CNTN4: variants seen among roughly 807,000 people sequenced by gnomAD.
The protein encoded by CNTN4 is contactin-4.
A neutral mutation model predicts 122.5 loss-of-function variants in CNTN4; 77 were observed. The ratio of observed to expected loss-of-function variants is 0.63; its 90% CI spans 0.52 to 0.76. The LOEUF (loss-of-function observed/expected upper bound fraction) is 0.76, where lower values mean the gene tolerates loss of function less well. CNTN4 is among the 30% of genes least tolerant of loss of function. The pLI is 0.00. For missense variants in CNTN4, 1,256 were observed against 1,259.1 expected (o/e 1.00, Z 0.04); for synonymous variants, 512 against 447.0 (o/e 1.15, Z -1.83).
chr3:2,549,132 C>A (rs984403429), intron 3 of CNTN4, among the ~76,000 whole-genome samples: 2 of 148,146 alleles, frequency 1.4e-5, no homozygotes, highest in South Asian at 4.3e-4. Context: ...AATATACAAT[C>A]ATGTCATCTG....
chr3:3,052,374 G>C (rs1023632647), intron 23 of CNTN4, among the ~76,000 whole-genome samples: 9 of 152,114 alleles, frequency 5.9e-5, no homozygotes, highest in African/African-American at 2.2e-4. Context: ...GACATTGCCA[G>C]ATACCTCCCT....
chr3:3,054,027 C>G, intron 24 of CNTN4, 52 bp downstream of exon 24: 2 of 1,580,684 alleles, frequency 1.3e-6, no homozygotes, highest in Non-Finnish European at 1.7e-6. Flanking sequence ...ATCTTATCAG[C>G]CTTCCAGATG....
intron 3 of CNTN4, among the ~76,000 whole-genome samples, chr3:2,410,232 C>G (rs2151027621): frequency 6.6e-6 from 1 of 152,298 alleles, no homozygotes; most frequent in South Asian, 2.1e-4. Context: ...GGGACAGACA[C>G]TGAAAATCTG....
intron 3 of CNTN4, among the ~76,000 whole-genome samples, chr3:2,352,835 T>G (rs1360127279): frequency 6.6e-6 from 1 of 152,108 alleles, no homozygotes; most frequent in African/African-American, 2.4e-5. Flanking sequence ...GGCTGCTGAG[T>G]TTTTGATGGG....
intron 6 of CNTN4, among the ~76,000 whole-genome samples, chr3:2,811,779 C>G (rs2092617813): frequency 6.7e-6 from 1 of 150,148 alleles, no homozygotes; most frequent in Non-Finnish European, 1.5e-5. Flanking sequence ...ATTCTCCTGC[C>G]TCTCAGCCTC....
intron 6 of CNTN4, among the ~76,000 whole-genome samples, chr3:2,770,615 AC>A (rs2091056219): frequency 6.6e-6 from 1 of 152,226 alleles, no homozygotes; most frequent in African/African-American, 2.4e-5. Flanking sequence ...CACTGCACTG[AC>A]CCGTAAGGAT....
chr3:2,982,881 C>T (rs1284021234), intron 13 of CNTN4, among the ~76,000 whole-genome samples: 3 of 151,960 alleles, frequency 2.0e-5, no homozygotes, highest in African/African-American at 7.3e-5. Context: ...TTATTATGAG[C>T]TTGAGAACAA....
chr3:2,109,577 A>G (rs2032783134), intron 2 of CNTN4, among the ~76,000 whole-genome samples: 1 of 152,148 alleles, frequency 6.6e-6, no homozygotes, highest in Non-Finnish European at 1.5e-5. Context: ...CAGGTGTTGC[A>G]TGTGTGCTTA....
At chr3:2,540,042 A>G (rs2077970342) in intron 3 of CNTN4, among the ~76,000 whole-genome samples, 1 of 151,426 alleles carries the variant, frequency 6.6e-6, no homozygotes, top group South Asian at 2.1e-4. Context: ...AGGACAAGAT[A>G]ATATGCCATA....
intron 7 of CNTN4, among the ~76,000 whole-genome samples, chr3:2,839,123 G>C (rs758654161): frequency 3.9e-5 from 6 of 152,092 alleles, no homozygotes; most frequent in Non-Finnish European, 1.5e-5. Context: ...AAGAGATATA[G>C]TCCTAATTGT....
At chr3:2,126,463 C>T (rs1286404276) in intron 2 of CNTN4, among the ~76,000 whole-genome samples, 4 of 152,078 alleles carry the variant, frequency 2.6e-5, no homozygotes, top group Admixed American at 1.3e-4. Context: ...ATCTGGGTTT[C>T]TAGTAGATTT....
chr3:2,507,866 T>C (rs1426142509), intron 3 of CNTN4, among the ~76,000 whole-genome samples: 1 of 151,862 alleles, frequency 6.6e-6, no homozygotes, highest in Non-Finnish European at 1.5e-5. Flanking sequence ...TTGTTCTCTC[T>C]CTCTTTTCTT....
chr3:2,433,432 A>C (rs903993696), intron 3 of CNTN4, among the ~76,000 whole-genome samples: 1 of 152,144 alleles, frequency 6.6e-6, no homozygotes, highest in Non-Finnish European at 1.5e-5. Context: ...TTGTATGTCT[A>C]CTTTAGAGAA....
At chr3:2,678,139 T>G (rs1158104872) in intron 4 of CNTN4, among the ~76,000 whole-genome samples, 2 of 152,194 alleles carry the variant, frequency 1.3e-5, no homozygotes, top group African/African-American at 4.8e-5. Context: ...ATGATGATCT[T>G]ACTATACTTA....
In CNTN4 at chr3:2,137,126, G is replaced by C. The variant is rs139525738; in HGVS notation, c.-145+36487G>C. ...AGATATAACCTAAATAAATTCTCTA[G>C]CCAGGGCACCCATCTGTCAAAAAAT... On this transcript the variant is annotated intron_variant, in intron 2 of 24. Transcript: ENST00000418658. 1.6e-4 allele frequency among the ~76,000 whole-genome samples: 24 copies of C among 152,096 alleles called. No individual in the cohort carries two copies. The East Asian group carries it at 4.7e-3, about 30-fold the overall frequency.
chr3:2,565,779 T>A (rs571745964), intron 3 of CNTN4, among the ~76,000 whole-genome samples: 2 of 152,308 alleles, frequency 1.3e-5, no homozygotes, highest in South Asian at 4.1e-4. Context: ...ATCTCTTGCT[T>A]TCATTTCTGT....
intron 2 of CNTN4, among the ~76,000 whole-genome samples, chr3:2,263,773 C>A (rs1480556676): frequency 6.8e-6 from 1 of 147,886 alleles, no homozygotes; most frequent in Non-Finnish European, 1.5e-5. Context: ...AACTTCTCTT[C>A]ATCTGCCTCT....
intron 3 of CNTN4, among the ~76,000 whole-genome samples, chr3:2,443,298 GACC>G (rs773068282): frequency 7.6e-4 from 116 of 152,260 alleles, no homozygotes; most frequent in Non-Finnish European, 1.3e-3. Flanking sequence ...GGTTCCTTGT[GACC>G]CATCCAGCAC....
chr3:2,278,851 T>C (rs2041615237), intron 2 of CNTN4, among the ~76,000 whole-genome samples: 1 of 151,988 alleles, frequency 6.6e-6, no homozygotes. Context: ...AAGCCCTAGA[T>C]GGATGATTGT....
Sources: gnomAD v4.1 joint callset for allele counts (sites outside exome capture counted in the v4.1 genomes callset) on GRCh38, gnomAD v4.1.1 for gene constraint, MANE v1.5 for transcripts, NCBI Gene and HGNC (gene_info 2026-07-23, HGNC 2026-07-21) for gene names.